Variants in KRT222 observed in about 807,000 individuals in gnomAD.
KRT222 encodes the protein keratin-like protein KRT222.
Under a neutral mutation model 35.0 loss-of-function variants are expected in KRT222, and 23 were observed. The observed-to-expected ratio is 0.66, with a 90% CI of 0.47 to 0.93. KRT222 has a LOEUF of 0.93. KRT222 is among the 40% of genes least tolerant of loss of function. KRT222 has a pLI of 0.00. For missense variants in KRT222, 339 were observed against 346.3 expected, an observed-to-expected ratio of 0.98 and a Z score of 0.17; for synonymous variants, 108 against 118.8, an observed-to-expected ratio of 0.91 and a Z score of 0.59.
intron 5 of KRT222, 59 bp from the exon 6 acceptor site, chr17:40,656,689 T>A (rs1028708873): frequency 3.4e-6 from 3 of 877,646 alleles, no homozygotes; most frequent in Non-Finnish European, 5.4e-6. Flanking sequence ...TAAAAATATG[T>A]ATTATATATT....
In KRT222 at chr17:40,655,525, C is replaced by A. The variant is rs915548533; in HGVS notation, c.*877G>T. The A allele has an allele frequency of 1.3e-5, 2 of 152,084 alleles. No homozygotes were observed. Among genetic ancestry groups the A allele is most frequent in the African/African-American group, 4.8e-5 (2 of 41,408 alleles). 9.4% of individuals were successfully genotyped at this position (152,084 alleles called of 1,614,324 possible). A position where few individuals can be genotyped will look rare whatever the true frequency, so the allele number is the denominator to read the frequency against. On this transcript the variant is annotated 3_prime_UTR_variant, in exon 6 of 6. Coordinates refer to ENST00000394052, the MANE Select transcript of KRT222 (RefSeq NM_152349.3). ...TTATCTACGGCTTATAGCAAACAAT[C>A]TAATCACATTTAGCTTTACAGTTGG...
chr17:40,660,088 G>A lies in KRT222; in HGVS notation c.345C>T (p.Ile115=). The A allele has an allele frequency of 1.2e-6, 2 of 1,614,080 alleles. No individual in the cohort carries two copies. Among genetic ancestry groups the A allele is most frequent in the South Asian group, 1.1e-5 (1 of 91,066 alleles). The change falls in exon 3 of 6, where the codon ATC becomes ATT. Residue 115 remains isoleucine (I), a synonymous_variant. Coordinates refer to ENST00000394052, the MANE Select transcript of KRT222 (RefSeq NM_152349.3). ...EKELQEVRRG[I]EKQLQEHEML... ...TCTCGTGCTCTTGAAGCTGCTTTTC[G>A]ATGCCGCGCCTTACTTCCTGTAGCT...
Position 40,655,376 on chromosome 17 carries a change from A to G in KRT222, c.*1026T>C, listed in dbSNP as rs1310730708. ...ATTCACAAATATATTTTCTACCCAT[A>G]TTTATTACAATTTGAACGATTTAAA... On this transcript the variant is annotated 3_prime_UTR_variant, in exon 6 of 6. Transcript: ENST00000394052. 1 of 152,104 alleles carries G rather than the reference A, an allele frequency of 6.6e-6. No individual in the cohort carries two copies. The highest frequency in any genetic ancestry group is 2.4e-5 in the African/African-American group (1 of 41,446). 9.4% of individuals were successfully genotyped at this position (152,104 alleles called of 1,614,324 possible). A position where few individuals can be genotyped will look rare whatever the true frequency, so the allele number is the denominator to read the frequency against.
Position 40,660,078 on chromosome 17 carries a change from G to A in KRT222, c.355C>T (p.Leu119Phe). 6.2e-7 allele frequency: 1 copy of A among 1,614,132 alleles called. No homozygotes were observed. Among genetic ancestry groups the A allele is most frequent in the Non-Finnish European group, 8.5e-7 (1 of 1,180,038 alleles). ...QEVRRGIEKQ[L>F]QEHEMLLNTK... ...TTGAGAAGCATCTCGTGCTCTTGAA[G>A]CTGCTTTTCGATGCCGCGCCTTACT... Residue 119 changes from leucine (L) to phenylalanine (F), a missense_variant, in exon 3 of 6, where the codon CTT becomes TTT. Leu to Phe is a conservative substitution (Grantham distance 22). Transcript: ENST00000394052.
intron 1 of KRT222, among the ~76,000 whole-genome samples, chr17:40,664,392 T>C (rs1269948504): frequency 3.9e-5 from 6 of 152,178 alleles, no homozygotes; most frequent in Non-Finnish European, 7.4e-5. Flanking sequence ...ATGTTTCTCA[T>C]CTTATAGTAC....
Position 40,655,568 on chromosome 17 carries a change from G to A in KRT222, c.*834C>T, listed in dbSNP as rs2037338684. On this transcript the variant is annotated 3_prime_UTR_variant, in exon 6 of 6. Coordinates refer to ENST00000394052, the MANE Select transcript of KRT222 (RefSeq NM_152349.3). ...ACAGTTGGAAAAACTGGGATGGTGG[G>A]TAACTGTTCTGATAACTATAGTAAC... 6.6e-6 allele frequency: 1 copy of A among 152,100 alleles called. No individual in the cohort carries two copies. The highest frequency in any genetic ancestry group is 2.4e-5 in the African/African-American group (1 of 41,434). 9.4% of individuals were successfully genotyped at this position (152,100 alleles called of 1,614,324 possible). A position where few individuals can be genotyped will look rare whatever the true frequency, so the allele number is the denominator to read the frequency against.
intron 4 of KRT222, 89 bp downstream of exon 4, chr17:40,657,585 C>T (rs541971371): frequency 3.1e-4 from 313 of 1,023,310 alleles, no homozygotes; most frequent in African/African-American, 8.4e-4. Context: ...TGTTTTTTTT[C>T]GACTTTAAAG....
Position 40,661,958 on chromosome 17 carries a change from CT to C in KRT222, c.182del (p.Gln61ArgfsTer37). On this transcript the variant is annotated frameshift_variant, in exon 2 of 6. Transcript: ENST00000394052. LOFTEE classifies it high-confidence loss of function. Reference sequence around the variant, plus strand: ...CAATTTCCACTTGCAGGTGGTGCCACTGGCGTCGGGCCTCCTTGAGTTCTGC... The same window carrying C: ...CAATTTCCACTTGCAGGTGGTGCCACGGCGTCGGGCCTCCTTGAGTTCTGC... ...AQAELKEARR[Q>X]WHHLQVEIES... The C allele has an allele frequency of 6.2e-7, 1 of 1,614,194 alleles. No individual in the cohort carries two copies. The highest frequency in any genetic ancestry group is 1.1e-5 in the South Asian group (1 of 91,084).
intron 3 of KRT222, among the ~76,000 whole-genome samples, chr17:40,658,103 C>A (rs2037357891): frequency 6.6e-6 from 1 of 150,920 alleles, no homozygotes; most frequent in African/African-American, 2.4e-5. Flanking sequence ...GCTTAGGTGT[C>A]CAGGGAACTT....
intron 1 of KRT222, 33 bp from the exon 2 acceptor site, chr17:40,662,077 C>CA: frequency 6.3e-7 from 1 of 1,596,720 alleles, no homozygotes; most frequent in East Asian, 2.2e-5. Flanking sequence ...CAATAACAAA[C>CA]AAAAAACAAG....
intron 3 of KRT222, among the ~76,000 whole-genome samples, chr17:40,658,966 G>A (rs746165722): frequency 2.0e-5 from 3 of 152,112 alleles, no homozygotes; most frequent in African/African-American, 4.8e-5. Flanking sequence ...ATATAATTAC[G>A]TTAGAGTAAT....
chr17:40,659,337 T>C (rs1247536024), intron 3 of KRT222, among the ~76,000 whole-genome samples: 3 of 151,588 alleles, frequency 2.0e-5, no homozygotes, highest in East Asian at 1.9e-4. Context: ...TGTATTATTA[T>C]TATTGTTTTT....
intron 3 of KRT222, among the ~76,000 whole-genome samples, chr17:40,658,446 C>T (rs1223317029): frequency 6.6e-6 from 1 of 151,888 alleles, no homozygotes; most frequent in Non-Finnish European, 1.5e-5. Context: ...TATGTATATA[C>T]ATGATATGTA....
In KRT222 at chr17:40,660,168, G is replaced by A; in HGVS notation, c.265C>T (p.His89Tyr). The stretch of plus-strand genomic sequence containing the variant: ...AGGTCTTGCAGCTGCATCTGGTAAT[G>A]CTGCTCGCTGGCATGTAGGGAGTTT... ...LENSLHASEQ[H>Y]YQMQLQDLET... is the part of the protein sequence containing the mutation. The change falls in exon 3 of 6, where the codon CAT becomes TAT. Residue 89 changes from histidine to tyrosine, a missense_variant. Coordinates refer to ENST00000394052, the MANE Select transcript of KRT222 (RefSeq NM_152349.3). 1 of 1,614,042 alleles carries A rather than the reference G, an allele frequency of 6.2e-7. No homozygotes were observed. The highest frequency in any genetic ancestry group is 1.1e-5 in the South Asian group (1 of 91,066).
chr17:40,660,487 G>T (rs1341598305), intron 2 of KRT222, among the ~76,000 whole-genome samples: 1 of 151,780 alleles, frequency 6.6e-6, no homozygotes, highest in Non-Finnish European at 1.5e-5. Context: ...CATCATGTTG[G>T]CCAGGCTGGT....
At position 40,665,177 on chromosome 17, in the gene KRT222, C is replaced by A; in HGVS notation, c.-78G>T. 2 of 1,359,332 alleles carry A rather than the reference C, an allele frequency of 1.5e-6. No individual in the cohort carries two copies. Among genetic ancestry groups the A allele is most frequent in the Non-Finnish European group, 2.1e-6 (2 of 955,226 alleles). 84.2% of individuals were successfully genotyped at this position (1,359,332 alleles called of 1,614,324 possible). ...GCTGCGGCAGTCTGCTCGGTCTGCG[C>A]GGAAGGCAGGGAGCCTCGCAGAGTT... is the stretch of plus-strand genomic sequence containing the variant. On this transcript the variant is annotated 5_prime_UTR_variant, in exon 1 of 6. Coordinates refer to ENST00000394052, the MANE Select transcript of KRT222 (RefSeq NM_152349.3).
intron 5 of KRT222, 64 bp from the exon 6 acceptor site, chr17:40,656,694 T>C: frequency 4.9e-6 from 4 of 811,368 alleles, no homozygotes; most frequent in South Asian, 1.8e-5. Flanking sequence ...ATATGTATTA[T>C]ATATTTCATA....
Position 40,654,677 on chromosome 17 carries a change from T to C in KRT222, c.*1725A>G, listed in dbSNP as rs2037332989. The stretch of plus-strand genomic sequence containing the variant: ...ACACTGCAATAGATTATGCTAGATA[T>C]ATTGCTTTATTATGATCACTGTTGC... On this transcript the variant is annotated 3_prime_UTR_variant, in exon 6 of 6. Transcript: ENST00000394052. 6.6e-6 allele frequency: 1 copy of C among 152,216 alleles called. No individual in the cohort carries two copies. Among genetic ancestry groups the C allele is most frequent in the Non-Finnish European group, 1.5e-5 (1 of 68,032 alleles). 9.4% of individuals were successfully genotyped at this position (152,216 alleles called of 1,614,324 possible).
rs544721042 is a variant in KRT222 at position 40,655,321 on chromosome 17, T to A, written c.*1081A>T. 23 of 152,084 alleles carry A rather than the reference T, an allele frequency of 1.5e-4. No homozygotes were observed. The highest frequency in any genetic ancestry group is 4.3e-4 in the African/African-American group (18 of 41,542). 9.4% of individuals were successfully genotyped at this position (152,084 alleles called of 1,614,324 possible). On this transcript the variant is annotated 3_prime_UTR_variant, in exon 6 of 6. Coordinates refer to ENST00000394052, the MANE Select transcript of KRT222 (RefSeq NM_152349.3). ...TACCTGTATTAAACAAATTAGGTTA[T>A]TTTAAAAACTTTGCAACAATACCTC...
Sources: allele counts gnomAD v4.1 joint callset (sites outside exome capture counted in the v4.1 genomes callset), GRCh38; gene constraint gnomAD v4.1.1; transcripts MANE v1.5; gene names NCBI Gene and HGNC (gene_info 2026-07-23, HGNC 2026-07-21).